The following FBXW7 variants were observed in gnomAD, a reference collection of about 807,000 sequenced individuals.
FBXW7 encodes the protein F-box and WD repeat domain containing 7, also known as F-box/WD repeat-containing protein 7.
FBXW7 carries 11 observed loss-of-function variants against 86.3 expected under a neutral mutation model. The observed-to-expected ratio is 0.13, with a 90% CI of 0.08 to 0.21. The LOEUF is 0.21. Ranked by LOEUF, FBXW7 falls within the 10% of genes least tolerant of loss-of-function variation. The pLI, the probability that FBXW7 is intolerant of heterozygous loss-of-function variation, is 1.00. For synonymous variants in FBXW7, 313 were observed against 297.9 expected (o/e 1.05, Z -0.52); for missense variants, 488 against 847.4 (o/e 0.58, Z 5.27).
intron 6 of FBXW7, among the ~76,000 whole-genome samples, chr4:152,341,563 T>G (rs1236179669): frequency 6.6e-6 from 1 of 152,228 alleles, no homozygotes; most frequent in Non-Finnish European, 1.5e-5. Context: ...AGGTGCTTAA[T>G]AAATGTTTAC....
intron 2 of FBXW7, among the ~76,000 whole-genome samples, chr4:152,414,178 G>C (rs564061373): frequency 9.2e-4 from 140 of 152,182 alleles, no homozygotes; most frequent in Middle Eastern, 3.4e-3. Context: ...TATAACTAAT[G>C]CCTGAATTAA....
chr4:152,531,188 A>G (rs948021941), intron 2 of FBXW7, among the ~76,000 whole-genome samples: 4 of 152,218 alleles, frequency 2.6e-5, no homozygotes, highest in African/African-American at 9.6e-5. Context: ...AACATTAACT[A>G]TAAGTGGCTG....
intron 3 of FBXW7, 46 bp from the exon 4 acceptor site, chr4:152,411,918 T>C (rs1449302426): frequency 2.1e-6 from 3 of 1,413,840 alleles, no homozygotes; most frequent in Non-Finnish European, 2.8e-6. Flanking sequence ...ACAATCTATA[T>C]TATGTTCTAC....
intron 11 of FBXW7, among the ~76,000 whole-genome samples, chr4:152,326,499 T>A (rs1715806607): frequency 6.6e-6 from 1 of 152,018 alleles, no homozygotes; most frequent in South Asian, 2.1e-4. Context: ...TAAGGTTCTG[T>A]GGGACTGAGT....
chr4:152,518,674 G>C (rs554849569), intron 2 of FBXW7, among the ~76,000 whole-genome samples: 16 of 152,116 alleles, frequency 1.1e-4, no homozygotes, highest in Non-Finnish European at 1.8e-4. Flanking sequence ...TTTCTGAAAA[G>C]GGCAAAGTTC....
chr4:152,404,755 C>G (rs143084373), intron 4 of FBXW7, among the ~76,000 whole-genome samples: 1 of 152,030 alleles, frequency 6.6e-6, no homozygotes. Context: ...ATTTTAATGA[C>G]GTGCCCATTT....
intron 2 of FBXW7, among the ~76,000 whole-genome samples, chr4:152,478,674 T>C (rs1324267227): frequency 6.6e-6 from 1 of 152,116 alleles, no homozygotes; most frequent in Non-Finnish European, 1.5e-5. Context: ...CCATTTTACG[T>C]TCCCACCAGT....
chr4:152,401,280 G>A (rs1736902076), intron 4 of FBXW7, among the ~76,000 whole-genome samples: 1 of 152,148 alleles, frequency 6.6e-6, no homozygotes, highest in Non-Finnish European at 1.5e-5. Context: ...CCAATTATGT[G>A]GAAGCAACCA....
chr4:152,410,566 T>C (rs920851805), intron 4 of FBXW7, among the ~76,000 whole-genome samples: 5 of 152,206 alleles, frequency 3.3e-5, no homozygotes, highest in African/African-American at 1.2e-4. Context: ...AAACATGATT[T>C]AGCATTTCAA....
chr4:152,326,593 A>C (rs1729045326), intron 11 of FBXW7, among the ~76,000 whole-genome samples: 1 of 152,068 alleles, frequency 6.6e-6, no homozygotes, highest in Non-Finnish European at 1.5e-5. Context: ...TTTAGAAATA[A>C]AATGTTAATG....
At chr4:152,441,545 TCA>T (rs1346025794) in intron 2 of FBXW7, among the ~76,000 whole-genome samples, 1 of 152,176 alleles carries the variant, frequency 6.6e-6, no homozygotes, top group African/African-American at 2.4e-5. Context: ...ATAATAAAAT[TCA>T]GTTTTCTTTT....
intron 6 of FBXW7, among the ~76,000 whole-genome samples, chr4:152,342,709 A>C (rs1289837635): frequency 6.6e-6 from 1 of 152,226 alleles, no homozygotes; most frequent in Non-Finnish European, 1.5e-5. Flanking sequence ...CTCCCATTCT[A>C]CTGTGGACCA....
intron 2 of FBXW7, among the ~76,000 whole-genome samples, chr4:152,454,206 T>C (rs1382451667): frequency 3.3e-5 from 5 of 151,328 alleles, no homozygotes; most frequent in Non-Finnish European, 5.9e-5. Context: ...TATATAACTA[T>C]AGTACTGCTT....
chr4:152,341,597 A>T (rs539648035), intron 6 of FBXW7, among the ~76,000 whole-genome samples: 145 of 152,374 alleles, frequency 9.5e-4, no homozygotes, highest in African/African-American at 3.4e-3. Flanking sequence ...GAATCCCAAA[A>T]GAATCAGGAA....
chr4:152,343,370 G>T (rs2126616842), intron 6 of FBXW7, among the ~76,000 whole-genome samples: 1 of 152,124 alleles, frequency 6.6e-6, no homozygotes, highest in South Asian at 2.1e-4. Flanking sequence ...ATTATTTCTT[G>T]ACCAAGGGAA....
chr4:152,456,679 A>G (rs1374419942), intron 2 of FBXW7, among the ~76,000 whole-genome samples: 2 of 152,250 alleles, frequency 1.3e-5, no homozygotes, highest in Non-Finnish European at 2.9e-5. Flanking sequence ...ACAATAAGAC[A>G]TTATTATACA....
chr4:152,442,123 T>C (rs1211331148), intron 2 of FBXW7, among the ~76,000 whole-genome samples: 1 of 152,180 alleles, frequency 6.6e-6, no homozygotes, highest in Admixed American at 6.5e-5. Context: ...ATCGTAACTA[T>C]CATATAACTT....
chr4:152,445,369 A>T (rs1358093045), intron 2 of FBXW7, among the ~76,000 whole-genome samples: 1 of 152,160 alleles, frequency 6.6e-6, no homozygotes, highest in Non-Finnish European at 1.5e-5. Context: ...TGGAACCAGA[A>T]ATGTTTCAGA....
chr4:152,483,399 GAAA>G (rs79957505), intron 2 of FBXW7, among the ~76,000 whole-genome samples: 1 of 136,784 alleles, frequency 7.3e-6, no homozygotes. Context: ...TCTTTATAGG[GAAA>G]AAAAAAAAAA....
Sources: allele counts gnomAD v4.1 joint callset (sites outside exome capture counted in the v4.1 genomes callset), GRCh38; gene constraint gnomAD v4.1.1; transcripts MANE v1.5; gene names NCBI Gene and HGNC (gene_info 2026-07-23, HGNC 2026-07-21).